Variants in ABHD17B observed in about 807,000 individuals in gnomAD.
ABHD17B encodes the protein alpha/beta hydrolase domain-containing protein 17B.
In ABHD17B, 9 loss-of-function variants were observed where a neutral mutation model predicts 26.2. That is an observed-to-expected ratio of 0.34 (90% CI 0.21 to 0.60). The LOEUF is 0.60. Ranked by LOEUF, ABHD17B falls within the 20% of genes least tolerant of loss-of-function variation. The pLI, the probability that ABHD17B is intolerant of heterozygous loss-of-function variation, is 0.80. For missense variants in ABHD17B, 224 were observed against 352.1 expected (o/e 0.64, Z 2.91); for synonymous variants, 127 against 122.3 (o/e 1.04, Z -0.25).
chr9:71,875,433 C>T (rs776394324), intron 1 of ABHD17B, among the ~76,000 whole-genome samples: 6 of 152,086 alleles, frequency 3.9e-5, no homozygotes, highest in Non-Finnish European at 8.8e-5. Context: ...CCATGTTGAT[C>T]AGATTGGTCT....
intron 1 of ABHD17B, among the ~76,000 whole-genome samples, chr9:71,905,000 A>G (rs749248580): frequency 6.6e-6 from 1 of 152,234 alleles, no homozygotes; most frequent in African/African-American, 2.4e-5. Flanking sequence ...GAATTTTTAT[A>G]ACCCCAGTAT....
downstream of ABHD17B, among the ~76,000 whole-genome samples, chr9:71,863,302 CACATT>C: frequency 1.3e-5 from 2 of 152,268 alleles, no homozygotes; most frequent in South Asian, 4.1e-4. Context: ...CTGAAATTTT[CACATT>C]ACATTAGAAA....
Position 71,872,973 on chromosome 9 carries a change from C to A in ABHD17B, c.467+1641G>T, listed in dbSNP as rs576286230. Among the ~76,000 whole-genome samples, 10 of 151,650 alleles carry A rather than the reference C, an allele frequency of 6.6e-5. No individual in the cohort carries two copies. In the East Asian group the frequency reaches 1.9e-3, roughly 29 times the overall value. On this transcript the variant is annotated intron_variant, in intron 2 of 3. Transcript: ENST00000333421. ...ATGAGAGCATAACTTTATTACATTTCTTTGGAGGGAAAAATAGTTTTAAAG... is the reference window on the plus strand; with the variant it reads ...ATGAGAGCATAACTTTATTACATTTATTTGGAGGGAAAAATAGTTTTAAAG...
intron 1 of ABHD17B, among the ~76,000 whole-genome samples, chr9:71,893,986 AG>A (rs1826874292): frequency 6.8e-6 from 1 of 147,526 alleles, no homozygotes; most frequent in African/African-American, 2.5e-5. Flanking sequence ...GCTACTCGGG[AG>A]GCTGAGGCAA....
intron 1 of ABHD17B, among the ~76,000 whole-genome samples, chr9:71,875,367 A>G (rs574397428): frequency 6.6e-6 from 1 of 152,086 alleles, no homozygotes; most frequent in Non-Finnish European, 1.5e-5. Context: ...CTGGGATTAC[A>G]GGCATGCGCC....
rs41287391 is a variant in ABHD17B at position 71,865,722 on chromosome 9, G to A, written c.*1065C>T. ...CTAAAAATACAAAAATTAGCCAGGC[G>A]TGGTGGCAAGCATCTGTAATACCAG... On this transcript the variant is annotated 3_prime_UTR_variant, in exon 4 of 4. Coordinates refer to ENST00000333421, the MANE Select transcript of ABHD17B (RefSeq NM_001025780.3). 9.7e-3 allele frequency: 5,633 copies of A among 582,260 alleles called. 41 individuals carry two copies. Among genetic ancestry groups the A allele is most frequent in the Middle Eastern group, 0.018 (21 of 1,200 alleles). The allele number at this position is 582,260 out of a possible 1,614,324, so 36.1% of individuals were successfully genotyped here.
rs979572373 is a variant in ABHD17B at position 71,865,689 on chromosome 9, T to C, written c.*1098A>G. On this transcript the variant is annotated 3_prime_UTR_variant, in exon 4 of 4. Transcript: ENST00000333421. Reference sequence around the variant, plus strand: ...CAGCCTGATCAACATGGCAAAACCCTGTCTCTACTAAAAATACAAAAATTA... The same window carrying C: ...CAGCCTGATCAACATGGCAAAACCCCGTCTCTACTAAAAATACAAAAATTA... 13 of 668,406 alleles carry C rather than the reference T, an allele frequency of 1.9e-5. No homozygotes were observed. The South Asian group carries it at 2.7e-4, about 14-fold the overall frequency. 41.4% of individuals were successfully genotyped at this position (668,406 alleles called of 1,614,324 possible). A position where few individuals can be genotyped will look rare whatever the true frequency, so the allele number is the denominator to read the frequency against.
intron 1 of ABHD17B, among the ~76,000 whole-genome samples, chr9:71,880,704 C>T (rs943545151): frequency 6.6e-6 from 1 of 151,734 alleles, no homozygotes; most frequent in African/African-American, 2.4e-5. Context: ...AAGATCGCAC[C>T]CACAACCAAA....
intron 2 of ABHD17B, among the ~76,000 whole-genome samples, chr9:71,872,305 T>C (rs2132132033): frequency 6.6e-6 from 1 of 152,344 alleles, no homozygotes. Context: ...TGTGGGATTA[T>C]TGATGAAATC....
chr9:71,909,392 A>C (rs1827376780), intron 1 of ABHD17B, among the ~76,000 whole-genome samples: 1 of 152,262 alleles, frequency 6.6e-6, no homozygotes, highest in Admixed American at 6.5e-5. Context: ...CAAGTTGAGC[A>C]GTCTCAAATT....
At chr9:71,867,028 G>GA (rs1554697325) in intron 3 of ABHD17B, 22 bp from the exon 4 acceptor site, 2 of 1,610,610 alleles carry the variant, frequency 1.2e-6, no homozygotes. Flanking sequence ...AAGGAAGGGG[G>GA]AAAAATGCAA....
In ABHD17B at chr9:71,911,006, A is replaced by C. The variant is rs574575618; in HGVS notation, c.-376T>G. ...GGCCGTGGTCGCAGCCGCCGCCGCC[A>C]CCGCCTCCCTTTCTGGCACTGCAGA... On this transcript the variant is annotated 5_prime_UTR_variant, in exon 1 of 4. Transcript: ENST00000333421. 2.6e-5 allele frequency: 4 copies of C among 154,206 alleles called. No individual in the cohort carries two copies. Among genetic ancestry groups the C allele is most frequent in the Non-Finnish European group, 5.8e-5 (4 of 69,180 alleles). The allele number at this position is 154,206 out of a possible 1,614,324, so 9.6% of individuals were successfully genotyped here.
intron 1 of ABHD17B, among the ~76,000 whole-genome samples, chr9:71,898,764 G>T (rs930335560): frequency 2.6e-5 from 4 of 152,174 alleles, no homozygotes; most frequent in Admixed American, 2.6e-4. Flanking sequence ...TTGGGAGGCC[G>T]AGGTAGGTGG....
rs35196879 is a variant in ABHD17B, at chr9:71,900,652, CAAAA to C, written c.-4+9978_-4+9981del. Among the ~76,000 whole-genome samples, 172 of 69,422 alleles carry C rather than the reference CAAAA, an allele frequency of 2.5e-3. 2 individuals are homozygous for C. The East Asian group carries it at 0.032, about 13-fold the overall frequency. 45.5% of individuals were successfully genotyped at this position (69,422 alleles called of 152,430 possible). A position where few individuals can be genotyped will look rare whatever the true frequency, so the allele number is the denominator to read the frequency against. ...GGGCGACAGAGTGAGACTCCATCTC[CAAAA>C]AAAAAAAAAAAAAAAAAGTCAAACT... On this transcript the variant is annotated intron_variant, in intron 1 of 3. Coordinates refer to ENST00000333421, the MANE Select transcript of ABHD17B (RefSeq NM_001025780.3).
intron 1 of ABHD17B, among the ~76,000 whole-genome samples, chr9:71,898,773 G>C (rs547094892): frequency 1.3e-5 from 2 of 152,254 alleles, no homozygotes; most frequent in South Asian, 4.1e-4. Context: ...CGAGGTAGGT[G>C]GATCACTTGA....
downstream of ABHD17B, chr9:71,865,081 C>T (rs377356028): frequency 5.4e-5 from 48 of 881,898 alleles, no homozygotes; most frequent in Admixed American, 4.4e-4. Flanking sequence ...CCTATAAAAA[C>T]GAAGGGTAAT....
At chr9:71,881,326 T>C (rs956252830) in intron 1 of ABHD17B, among the ~76,000 whole-genome samples, 3 of 152,202 alleles carry the variant, frequency 2.0e-5, no homozygotes, top group Non-Finnish European at 2.9e-5. Context: ...TCACACCATA[T>C]ACAAAAATCA....
chr9:71,871,339 T>A (rs1270857235), intron 2 of ABHD17B, among the ~76,000 whole-genome samples: 1 of 152,206 alleles, frequency 6.6e-6, no homozygotes, highest in Non-Finnish European at 1.5e-5. Context: ...CCATATAGTT[T>A]CTTCAAGTCA....
intron 1 of ABHD17B, among the ~76,000 whole-genome samples, chr9:71,884,740 A>G (rs1826555723): frequency 6.6e-6 from 1 of 152,102 alleles, no homozygotes; most frequent in Non-Finnish European, 1.5e-5. Flanking sequence ...GAGGGTAACA[A>G]TCACATCTGC....
Sources: allele counts gnomAD v4.1 joint callset (sites outside exome capture counted in the v4.1 genomes callset), GRCh38; gene constraint gnomAD v4.1.1; transcripts MANE v1.5; gene names NCBI Gene and HGNC (gene_info 2026-07-23, HGNC 2026-07-21).